Variants in GOSR2 observed in about 807,000 individuals in gnomAD.
GOSR2 encodes the protein 27 kDa Golgi SNARE protein.
GOSR2 carries 20 observed loss-of-function variants against 27.9 expected under a neutral mutation model. The ratio of observed to expected loss-of-function variants is 0.72; its 90% CI spans 0.50 to 1.04. The LOEUF is 1.04. Ranked by LOEUF, GOSR2 falls within the 50% of genes least tolerant of loss-of-function variation. The probability of loss-of-function intolerance (pLI) is 0.00; values close to 1 mark genes in which losing one functional copy is unlikely to be tolerated. For missense variants in GOSR2, 261 were observed against 270.5 expected (o/e 0.97, Z 0.25); for synonymous variants, 91 against 98.8 (o/e 0.92, Z 0.47).
Position 46,940,551 on chromosome 17 carries a change from C to G in GOSR2, c.*1791C>G. 6.2e-7 allele frequency: 1 copy of G among 1,614,128 alleles called. No homozygotes were observed. Among genetic ancestry groups the G allele is most frequent in the African/African-American group, 1.3e-5 (1 of 75,034 alleles). ...TGCGACGGCAAGGCTGTCCTGTCCC[C>G]CAGGCACCCAAGGATCCTGCCAGAC... On this transcript the variant is annotated 3_prime_UTR_variant, in exon 6 of 6. Transcript: ENST00000640051.
At chr17:46,958,106 C>A (rs928611374) in intron 6 of GOSR2, among the ~76,000 whole-genome samples, 4 of 152,168 alleles carry the variant, frequency 2.6e-5, no homozygotes, top group Admixed American at 2.0e-4. Flanking sequence ...CTCCTCTCCC[C>A]ATTTGTGCAG....
intron 1 of GOSR2, among the ~76,000 whole-genome samples, chr17:46,925,712 T>G (rs1348799600): frequency 6.6e-6 from 1 of 152,162 alleles, no homozygotes; most frequent in African/African-American, 2.4e-5. Flanking sequence ...GTAGCTGAAC[T>G]TATTAATTTT....
chr17:46,923,272 G>C, intron 1 of GOSR2, 51 bp downstream of exon 1: 1 of 1,549,674 alleles, frequency 6.5e-7, no homozygotes, highest in Non-Finnish European at 8.7e-7. Flanking sequence ...GAGGCCAGGT[G>C]AGCCTGGCTT....
At chr17:46,954,548 TC>T (rs2090584871) in intron 6 of GOSR2, among the ~76,000 whole-genome samples, 1 of 152,228 alleles carries the variant, frequency 6.6e-6, no homozygotes, top group Non-Finnish European at 1.5e-5. Context: ...AGTAGTTTTT[TC>T]CAATTCTGTG....
intron 6 of GOSR2, among the ~76,000 whole-genome samples, chr17:46,960,124 G>T (rs1300043359): frequency 6.6e-6 from 1 of 152,050 alleles, no homozygotes; most frequent in Non-Finnish European, 1.5e-5. Context: ...CCAAAAGACT[G>T]GTATCCAAAA....
Position 46,938,795 on chromosome 17 carries a change from C to G in GOSR2, c.*35C>G. ...GCTCAGTGGCTGAACAGCATTCCCACAGCCTGCAAGTGTGTGTGTGTGTGA... is the reference window on the plus strand; with the variant it reads ...GCTCAGTGGCTGAACAGCATTCCCAGAGCCTGCAAGTGTGTGTGTGTGTGA... On this transcript the variant is annotated 3_prime_UTR_variant, in exon 6 of 6. Transcript: ENST00000640051. 6.2e-7 allele frequency: 1 copy of G among 1,613,094 alleles called. No individual in the cohort carries two copies. Among genetic ancestry groups the G allele is most frequent in the Non-Finnish European group, 8.5e-7 (1 of 1,179,918 alleles).
At chr17:46,953,299 T>C (rs1362062655) in intron 6 of GOSR2, among the ~76,000 whole-genome samples, 1 of 152,122 alleles carries the variant, frequency 6.6e-6, no homozygotes, top group Admixed American at 6.5e-5. Flanking sequence ...CATGCAGTGT[T>C]TGGTTTTTTG....
rs1056448481 is a variant in GOSR2 at position 46,941,042 on chromosome 17, C to A, written c.*2282C>A. 2 of 1,087,112 alleles carry A rather than the reference C, an allele frequency of 1.8e-6. No individual in the cohort carries two copies. Among genetic ancestry groups the A allele is most frequent in the South Asian group, 2.8e-5 (1 of 35,432 alleles). The allele number at this position is 1,087,112 out of a possible 1,614,324, so 67.3% of individuals were successfully genotyped here. On this transcript the variant is annotated 3_prime_UTR_variant, in exon 6 of 6. Transcript: ENST00000640051. Reference sequence around the variant, plus strand: ...GGTGAATTCTTAGGTCGAGCTGATGCAAGAAACTCCGGTAGCCAGCCTCTG... The same window carrying A: ...GGTGAATTCTTAGGTCGAGCTGATGAAAGAAACTCCGGTAGCCAGCCTCTG...
intron 3 of GOSR2, 158 bp downstream of exon 3, chr17:46,931,365 T>C: frequency 1.5e-6 from 1 of 655,182 alleles, no homozygotes. Flanking sequence ...CAATTCTATC[T>C]GAGTGATGCC....
chr17:46,946,452 ACTCCGT>A (rs1468270766), downstream of GOSR2, among the ~76,000 whole-genome samples: 1 of 127,992 alleles, frequency 7.8e-6, no homozygotes. Flanking sequence ...GAAGAGCAAA[ACTCCGT>A]CTCAAAAAAA....
intron 6 of GOSR2, among the ~76,000 whole-genome samples, chr17:46,960,042 C>T (rs2090963275): frequency 6.6e-6 from 1 of 152,216 alleles, no homozygotes; most frequent in African/African-American, 2.4e-5. Context: ...TTGTCAGCCT[C>T]TCAGGACTGA....
intron 6 of GOSR2, among the ~76,000 whole-genome samples, chr17:46,947,936 T>C (rs1028693949): frequency 6.6e-5 from 10 of 152,180 alleles, no homozygotes; most frequent in African/African-American, 2.4e-4. Flanking sequence ...GCCTGGCTAA[T>C]TTTTCGTGTT....
At chr17:46,961,127 G>A (rs912540581) in intron 6 of GOSR2, among the ~76,000 whole-genome samples, 8 of 152,198 alleles carry the variant, frequency 5.3e-5, no homozygotes, top group South Asian at 2.1e-4. Flanking sequence ...TGATTTTGCC[G>A]AGGATAAAGG....
rs387906881 is a variant in GOSR2, at chr17:46,935,122, G to T, written c.430G>T (p.Gly144Trp). 5.6e-5 allele frequency: 91 copies of T among 1,613,834 alleles called. No homozygotes were observed. Among genetic ancestry groups the T allele is most frequent in the Non-Finnish European group, 7.6e-5 (90 of 1,179,806 alleles). Residue 144 changes from glycine to tryptophan, a missense_variant, in exon 5 of 6, where the codon GGG becomes TGG. Coordinates refer to ENST00000640051, the MANE Select transcript of GOSR2 (RefSeq NM_004287.5). ...HNGMDDLILD[G>W]HNILDGLRTQ... The stretch of plus-strand genomic sequence containing the variant: ...CGGCATGGATGACCTCATTTTAGAT[G>T]GGCACAATATTTTAGATGGACTGAG...
At chr17:46,954,525 A>G (rs1437891247) in intron 6 of GOSR2, among the ~76,000 whole-genome samples, 1 of 152,152 alleles carries the variant, frequency 6.6e-6, no homozygotes, top group East Asian at 1.9e-4. Context: ...TTTTGGTTCC[A>G]TATGAACTTT....
intron 6 of GOSR2, among the ~76,000 whole-genome samples, chr17:46,959,309 T>C (rs2090921854): frequency 6.6e-6 from 1 of 152,222 alleles, no homozygotes; most frequent in Admixed American, 6.5e-5. Context: ...AGCATTCTGC[T>C]TTCTTTTTGG....
downstream of GOSR2, among the ~76,000 whole-genome samples, chr17:46,970,010 G>T (rs2091375039): frequency 6.6e-6 from 1 of 152,178 alleles, no homozygotes; most frequent in African/African-American, 2.4e-5. Flanking sequence ...CCTGGCTCTA[G>T]CTGACTACAG....
downstream of GOSR2, among the ~76,000 whole-genome samples, chr17:46,968,062 G>A (rs2091353730): frequency 6.6e-6 from 1 of 152,000 alleles, no homozygotes; most frequent in Admixed American, 6.6e-5. Context: ...CTGGGATGGG[G>A]GCCTTCTTCA....
At chr17:46,928,455 G>A (rs1028783057) in intron 1 of GOSR2, among the ~76,000 whole-genome samples, 28 of 152,126 alleles carry the variant, frequency 1.8e-4, no homozygotes, top group African/African-American at 6.5e-4. Context: ...AATCTCCACC[G>A]TGAGCACCGG....
Sources: gnomAD v4.1 joint callset for allele counts (sites outside exome capture counted in the v4.1 genomes callset) on GRCh38, gnomAD v4.1.1 for gene constraint, MANE v1.5 for transcripts, NCBI Gene and HGNC (gene_info 2026-07-23, HGNC 2026-07-21) for gene names.